ZNF33B: variants seen among roughly 807,000 people sequenced by gnomAD.
ZNF33B encodes zinc finger protein 11b (KOX 2).
A neutral mutation model predicts 45.8 loss-of-function variants in ZNF33B; 29 were observed. The ratio of observed to expected loss-of-function variants is 0.63; its 90% CI spans 0.47 to 0.86. The LOEUF (loss-of-function observed/expected upper bound fraction) is 0.86, where lower values mean the gene tolerates loss of function less well. Among genes scored for constraint, ZNF33B ranks in the 40% least tolerant of loss-of-function variants. ZNF33B has a pLI of 0.00. For synonymous variants in ZNF33B, 305 were observed against 307.8 expected (o/e 0.99, Z 0.10); for missense variants, 831 against 909.9 (o/e 0.91, Z 1.12).
chr10:42,602,935 C>T (rs1366644578), intron 4 of ZNF33B, among the ~76,000 whole-genome samples: 1 of 152,180 alleles, frequency 6.6e-6, no homozygotes, highest in Non-Finnish European at 1.5e-5. Context: ...GCATCTATCT[C>T]CTGCAAGCCA....
intron 4 of ZNF33B, among the ~76,000 whole-genome samples, chr10:42,599,501 A>T (rs1465632587): frequency 6.6e-6 from 1 of 150,776 alleles, no homozygotes; most frequent in Non-Finnish European, 1.5e-5. Context: ...ATAAATGCAT[A>T]CACATGAAAT....
chr10:42,610,976 T>C (rs142229100), intron 4 of ZNF33B, among the ~76,000 whole-genome samples: 2 of 152,320 alleles, frequency 1.3e-5, no homozygotes, highest in East Asian at 3.9e-4. Context: ...AAATTGAGAA[T>C]TCATAAATAA....
intron 4 of ZNF33B, among the ~76,000 whole-genome samples, chr10:42,609,027 C>T (rs1237863519): frequency 6.6e-6 from 1 of 151,978 alleles, no homozygotes. Flanking sequence ...ATGGAAAAAT[C>T]CATAAAACAA....
intron 4 of ZNF33B, among the ~76,000 whole-genome samples, chr10:42,613,969 C>T (rs1428303319): frequency 2.0e-5 from 3 of 152,162 alleles, no homozygotes; most frequent in African/African-American, 7.2e-5. Flanking sequence ...AGAAAGTGCT[C>T]TAAAAAACAA....
In ZNF33B at chr10:42,615,841, C is replaced by T. The variant is rs1589051756; in HGVS notation, c.250+16088G>A. Among the ~76,000 whole-genome samples, 2 of 152,118 alleles carry T rather than the reference C, an allele frequency of 1.3e-5. 1 individual carries two copies. The highest frequency in any genetic ancestry group is 2.9e-5 in the Non-Finnish European group (2 of 67,992). On this transcript the variant is annotated intron_variant, in intron 4 of 4. Coordinates refer to ENST00000359467, the MANE Select transcript of ZNF33B (RefSeq NM_006955.3). ...TCGGGAGGCTGTGGCAGGAGAATCGCTTGAACCCAGGAGGTGGAAGCTGCA... is the reference window on the plus strand; with the variant it reads ...TCGGGAGGCTGTGGCAGGAGAATCGTTTGAACCCAGGAGGTGGAAGCTGCA...
downstream of ZNF33B, among the ~76,000 whole-genome samples, chr10:42,586,626 CA>C (rs1331048238): frequency 7.2e-5 from 11 of 152,318 alleles, no homozygotes; most frequent in African/African-American, 2.6e-4. Flanking sequence ...AGGCTGCATG[CA>C]AACACACACA....
chr10:42,585,067 G>A (rs1357401216), downstream of ZNF33B, among the ~76,000 whole-genome samples: 3 of 152,146 alleles, frequency 2.0e-5, no homozygotes, highest in African/African-American at 4.8e-5. Flanking sequence ...ATAAACAAGG[G>A]GAGACACCAT....
intron 4 of ZNF33B, among the ~76,000 whole-genome samples, chr10:42,623,088 G>A (rs1177236466): frequency 3.3e-5 from 5 of 152,188 alleles, no homozygotes; most frequent in Non-Finnish European, 7.4e-5. Context: ...CCAACATGGT[G>A]AAACCCCGTC....
chr10:42,591,250 C>T lies in ZNF33B; in HGVS notation c.*1363G>A, dbSNP rs1429459749. On this transcript the variant is annotated 3_prime_UTR_variant, in exon 5 of 5. Coordinates refer to ENST00000359467, the MANE Select transcript of ZNF33B (RefSeq NM_006955.3). ...TGGGCTGTATGTGTGGGCCTCTTTC[C>T]AGGGCCCTGTCTTGGAGAGCAGCTG... 2.2e-6 allele frequency: 2 copies of T among 926,782 alleles called. No individual in the cohort carries two copies. The highest frequency in any genetic ancestry group is 2.6e-6 in the Non-Finnish European group (2 of 777,096). 57.4% of individuals were successfully genotyped at this position (926,782 alleles called of 1,614,324 possible).
At position 42,600,707 on chromosome 10, in the gene ZNF33B, T is replaced by C. The variant is rs182079836; in HGVS notation, c.251-6008A>G. Among the ~76,000 whole-genome samples the C allele has an allele frequency of 4.6e-5, 7 of 152,346 alleles. No homozygotes were observed. The East Asian group carries it at 1.2e-3, about 25-fold the overall frequency. On this transcript the variant is annotated intron_variant, in intron 4 of 4. Coordinates refer to ENST00000359467, the MANE Select transcript of ZNF33B (RefSeq NM_006955.3). ...ATAAAAGCTTTAATCAGTGTACTTT[T>C]CAGTAACAGTATATATATGAATCTT...
Position 42,594,086 on chromosome 10 carries a change from G to A in ZNF33B, c.864C>T (p.Ser288=). The A allele has an allele frequency of 1.2e-6, 2 of 1,613,982 alleles. No individual in the cohort carries two copies. Among genetic ancestry groups the A allele is most frequent in the Non-Finnish European group, 1.7e-6 (2 of 1,179,928 alleles). ...SDCEKFLCVK[S]TLSKHDGVPV... is the part of the protein sequence containing the mutation. ...GTACCCCATCATGTTTAGAAAGGGT[G>A]GACTTCACACATAAGAACTTCTCAC... Residue 288 remains serine, a synonymous_variant, in exon 5 of 5, where the codon TCC becomes TCT. Coordinates refer to ENST00000359467, the MANE Select transcript of ZNF33B (RefSeq NM_006955.3).
rs1223793100 is a variant in ZNF33B, at chr10:42,593,958, C to T, written c.992G>A (p.Cys331Tyr). 16 of 1,613,966 alleles carry T rather than the reference C, an allele frequency of 9.9e-6. No individual in the cohort carries two copies. Among genetic ancestry groups the T allele is most frequent in the Non-Finnish European group, 1.3e-5 (15 of 1,179,960 alleles). Residue 331 changes from cysteine (C) to tyrosine (Y), a missense_variant, in exon 5 of 5, where the codon TGT becomes TAT. Cys to Tyr is a radical substitution (Grantham distance 194). Transcript: ENST00000359467. ...KGDKGEKHFE[C>Y]NECGKAFWEK... ...CCAGAAAGCTTTCCCACATTCATTACATTCAAAGTGTTTCTCTCCTTTATC... is the reference window on the plus strand; with the variant it reads ...CCAGAAAGCTTTCCCACATTCATTATATTCAAAGTGTTTCTCTCCTTTATC...
intron 1 of ZNF33B, among the ~76,000 whole-genome samples, chr10:42,579,357 T>C (rs1203794089): frequency 7.9e-6 from 1 of 127,216 alleles, no homozygotes; most frequent in Non-Finnish European, 1.7e-5. Context: ...CCTTGCCCTA[T>C]GTATGTTTAA....
chr10:42,636,639 C>T (rs1398540826), intron 2 of ZNF33B, among the ~76,000 whole-genome samples: 1 of 152,124 alleles, frequency 6.6e-6, no homozygotes, highest in Non-Finnish European at 1.5e-5. Context: ...CAGGGCAACA[C>T]GGTGAACACA....
downstream of ZNF33B, among the ~76,000 whole-genome samples, chr10:42,588,698 G>T (rs1836986393): frequency 6.6e-6 from 1 of 152,202 alleles, no homozygotes; most frequent in Admixed American, 6.5e-5. Flanking sequence ...GTTGTAGTGA[G>T]CAGCTGTACT....
At position 42,627,629 on chromosome 10, in the gene ZNF33B, C is replaced by G. The variant is rs1176062652; in HGVS notation, c.250+4300G>C. Among the ~76,000 whole-genome samples the G allele has an allele frequency of 2.0e-5, 3 of 152,234 alleles. No homozygotes were observed. In the East Asian group the frequency reaches 5.8e-4, roughly 29 times the overall value. ...TAGAAAGTCAATTATGGGTTTGCAACCTATCATCTTCTCTAATGTTAGCAT... is the reference window on the plus strand; with the variant it reads ...TAGAAAGTCAATTATGGGTTTGCAAGCTATCATCTTCTCTAATGTTAGCAT... On this transcript the variant is annotated intron_variant, in intron 4 of 4. Coordinates refer to ENST00000359467, the MANE Select transcript of ZNF33B (RefSeq NM_006955.3).
chr10:42,629,853 A>C (rs1589070577), intron 4 of ZNF33B, among the ~76,000 whole-genome samples: 1 of 152,324 alleles, frequency 6.6e-6, no homozygotes, highest in East Asian at 1.9e-4. Context: ...TAGTTGTTCT[A>C]GGTATTAAAA....
intron 4 of ZNF33B, among the ~76,000 whole-genome samples, chr10:42,598,072 G>GA (rs1328304088): frequency 6.6e-6 from 1 of 152,156 alleles, no homozygotes; most frequent in Non-Finnish European, 1.5e-5. Context: ...CCCATCAAAT[G>GA]AAATTCCTAT....
Position 42,575,122 on chromosome 10 carries a change from A to G in ZNF33B, c.74-444T>C, listed in dbSNP as rs531224261. ...GTATAAGAAAGAAGCGTGGTCTTACATTGACAAGGTCTTCTTTATTTGGAG... is the reference window on the plus strand; with the variant it reads ...GTATAAGAAAGAAGCGTGGTCTTACGTTGACAAGGTCTTCTTTATTTGGAG... On this transcript the variant is annotated intron_variant, in intron 1 of 1. Transcript: ENST00000462075. Among the ~76,000 whole-genome samples, 80 of 152,348 alleles carry G rather than the reference A, an allele frequency of 5.3e-4. 1 individual carries two copies.
Sources: gnomAD v4.1 joint callset for allele counts (sites outside exome capture counted in the v4.1 genomes callset) on GRCh38, gnomAD v4.1.1 for gene constraint, MANE v1.5 for transcripts, NCBI Gene and HGNC (gene_info 2026-07-23, HGNC 2026-07-21) for gene names.